Variants in GDPD3 observed in about 807,000 individuals in gnomAD.
GDPD3 encodes the protein glycerophosphodiester phosphodiesterase domain containing 3, also known as lysophospholipase D GDPD3.
In GDPD3, 40 loss-of-function variants were observed where a neutral mutation model predicts 43.7. That is an observed-to-expected ratio of 0.91 (90% confidence interval 0.71 to 1.19). GDPD3 has a LOEUF of 1.19. GDPD3 is among the 50% of genes most tolerant of loss of function. The pLI is 0.00. For missense variants in GDPD3, 363 were observed against 415.8 expected, an observed-to-expected ratio of 0.87 and a Z score of 1.11; for synonymous variants, 145 against 162.9, an observed-to-expected ratio of 0.89 and a Z score of 0.84.
At position 30,113,286 on chromosome 16, in the gene GDPD3, C is replaced by A; in HGVS notation, c.139+54G>T. On this transcript the variant is annotated intron_variant, in intron 1 of 9. Transcript: ENST00000406256. This position sits in a 1 kb window ranked among gnomAD's most constrained non-coding sequence, Gnocchi z 5.9. ...CCGTTTCTAGCATGCCCCCTTGGAC[C>A]TACCCCTCTGTGCTGTCCACTTTGG... is the stretch of plus-strand genomic sequence containing the variant. 1 of 1,546,678 alleles carries A rather than the reference C, an allele frequency of 6.5e-7. No individual in the cohort carries two copies. Among genetic ancestry groups the A allele is most frequent in the Non-Finnish European group, 8.7e-7 (1 of 1,144,126 alleles).
chr16:30,107,007 C>A (rs944635357), intron 9 of GDPD3, among the ~76,000 whole-genome samples: 17 of 152,286 alleles, frequency 1.1e-4, no homozygotes, highest in African/African-American at 3.8e-4. Context: ...CTGCACCCTG[C>A]CTCTGCATTT....
chr16:30,105,950 A>G (rs2072857745), intron 9 of GDPD3, among the ~76,000 whole-genome samples: 1 of 151,560 alleles, frequency 6.6e-6, no homozygotes, highest in Non-Finnish European at 1.5e-5. Flanking sequence ...ATCTCTACTA[A>G]AAACAGAAAA....
Position 30,112,338 on chromosome 16 carries a change from T to C in GDPD3, c.451A>G (p.Ile151Val). 1 of 1,614,166 alleles carries C rather than the reference T, an allele frequency of 6.2e-7. No homozygotes were observed. The highest frequency in any genetic ancestry group is 8.5e-7 in the Non-Finnish European group (1 of 1,180,026). The change falls in exon 5 of 10, where the codon ATC (isoleucine) becomes GTC (valine). Residue 151 changes from isoleucine (I) to valine (V), a missense_variant. Physicochemically the swap from Ile to Val is conservative, Grantham distance 29. Coordinates refer to ENST00000406256, the MANE Select transcript of GDPD3 (RefSeq NM_024307.3). This position sits in a 1 kb window ranked among gnomAD's most constrained non-coding sequence, Gnocchi z 5.4. The part of the protein sequence containing the change: ...RFPRTPMSVE[I>V]KGKNEELIRE... ...ATGAGCTCTTCGTTCTTCCCTTTGA[T>C]CTCTACGCTCATGGGTGTCCTTGGA...
At chr16:30,105,713 C>T (rs2072855268) in intron 9 of GDPD3, among the ~76,000 whole-genome samples, 1 of 149,822 alleles carries the variant, frequency 6.7e-6, no homozygotes, top group African/African-American at 2.4e-5. Flanking sequence ...CCATGTTAGC[C>T]AGGATGGTCT....
At position 30,113,196 on chromosome 16, in the gene GDPD3, A is replaced by G; in HGVS notation, c.140-132T>C. On this transcript the variant is annotated intron_variant, in intron 1 of 9. Coordinates refer to ENST00000406256, the MANE Select transcript of GDPD3 (RefSeq NM_024307.3). This position sits in a 1 kb window ranked among gnomAD's most constrained non-coding sequence, Gnocchi z 5.9. ...CTCCCCAGCCAGCCCAGGCTGCGCC[A>G]GCATCTTCTTCCTCGTCCACACCCT... The G allele has an allele frequency of 7.4e-7, 1 of 1,358,092 alleles. No individual in the cohort carries two copies. The allele number at this position is 1,358,092 out of a possible 1,614,324, so 84.1% of individuals were successfully genotyped here. A position where few individuals can be genotyped will look rare whatever the true frequency, so the allele number is the denominator to read the frequency against.
rs1163380181 is a variant in GDPD3 at position 30,108,262 on chromosome 16, A to G, written c.770T>C (p.Leu257Pro). The G allele has an allele frequency of 1.9e-6, 3 of 1,611,682 alleles. No homozygotes were observed. The South Asian group carries it at 3.3e-5, about 18-fold the overall frequency. Residue 257 changes from leucine to proline, a missense_variant and splice_region_variant, in exon 9 of 10, where the codon CTG (leucine) becomes CCG (proline). By Grantham distance (98) the Leu-to-Pro change is moderately conservative (BLOSUM62 -3). Transcript: ENST00000406256. ...NQLLAVVSKWLIMRKSLIRHL... is the reference protein window; with the variant it reads ...NQLLAVVSKWPIMRKSLIRHL... ...TCGGATCAGACTCTTCCTCATGATC[A>G]GCCTGGGGGTGGGGTGGGGACGTGG...
At chr16:30,111,548 ATCTG>A (rs773531493) in intron 6 of GDPD3, 27 bp from the exon 7 acceptor site, 8 of 1,612,484 alleles carry the variant, frequency 5.0e-6, no homozygotes, top group African/African-American at 1.3e-5. Context: ...AGGCATGAGA[ATCTG>A]TCTGCTCTGG....
At chr16:30,110,303 C>T (rs941610254) in intron 7 of GDPD3, among the ~76,000 whole-genome samples, 10 of 151,282 alleles carry the variant, frequency 6.6e-5, no homozygotes, top group Non-Finnish European at 8.8e-5. Flanking sequence ...TGGTGGCGGG[C>T]GCCTGTAGTC....
chr16:30,106,854 A>G (rs1039017290), intron 9 of GDPD3, among the ~76,000 whole-genome samples: 4 of 152,006 alleles, frequency 2.6e-5, no homozygotes, highest in African/African-American at 9.7e-5. Flanking sequence ...GATTACAGGC[A>G]TGCGCCACCA....
At position 30,111,469 on chromosome 16, in the gene GDPD3, A is replaced by G; in HGVS notation, c.626T>C (p.Leu209Pro). 1.2e-6 allele frequency: 2 copies of G among 1,614,054 alleles called. No homozygotes were observed. Among genetic ancestry groups the G allele is most frequent in the African/African-American group, 2.7e-5 (2 of 74,996 alleles). Residue 209 changes from leucine (L) to proline (P), a missense_variant, in exon 7 of 10, where the codon CTT becomes CCT. Transcript: ENST00000406256. ...FTISRGFWVL[L>P]SYYLGLLPFI... is the part of the protein sequence containing the mutation. ...GGGCAGCAGCCCCAGGTAGTAGGAA[A>G]GCAGCACCCAGAATCCTCGGCTTAT...
At chr16:30,108,988 C>T (rs1015241519) in intron 7 of GDPD3, among the ~76,000 whole-genome samples, 35 of 151,428 alleles carry the variant, frequency 2.3e-4, no homozygotes, top group Middle Eastern at 3.4e-3. Flanking sequence ...CCCGCCACCA[C>T]GCCTGCTAAT....
Position 30,108,289 on chromosome 16 carries a change from A to T in GDPD3, c.768-25T>A, listed in dbSNP as rs369610999. 29 of 1,612,254 alleles carry T rather than the reference A, an allele frequency of 1.8e-5. No homozygotes were observed. The African/African-American group carries it at 3.5e-4, about 19-fold the overall frequency. On this transcript the variant is annotated intron_variant, in intron 8 of 9. Transcript: ENST00000406256. ...CCTGGGGGTGGGGTGGGGACGTGGG[A>T]GGTGATGATGAGAGGGGACCTGGGA... is the stretch of plus-strand genomic sequence containing the variant.
At chr16:30,110,866 A>C (rs2072893792) in intron 7 of GDPD3, 1 of 151,744 alleles carries the variant, frequency 6.6e-6, no homozygotes, top group Non-Finnish European at 1.5e-5. Context: ...GTCTCAAAAA[A>C]AAAAAAAAAA....
intron 9 of GDPD3, among the ~76,000 whole-genome samples, chr16:30,106,365 T>G (rs1490608401): frequency 6.6e-6 from 1 of 152,114 alleles, no homozygotes; most frequent in Admixed American, 6.6e-5. Flanking sequence ...AAATTAATCC[T>G]CAAATCAGGG....
Position 30,104,875 on chromosome 16 carries a change from G to A in GDPD3, c.954C>T (p.Ser318=). Residue 318 remains serine, a synonymous_variant, in exon 10 of 10, where the codon TCC becomes TCT. Coordinates refer to ENST00000406256, the MANE Select transcript of GDPD3 (RefSeq NM_024307.3). ...GGAGACCTCGAGGCTTCTGGACTTA[G>A]GAGGTCCGGGCAGCTGGTCCATGGT... ...LDNHGPAART[S] is the part of the protein sequence containing the mutation. 2 of 1,612,432 alleles carry A rather than the reference G, an allele frequency of 1.2e-6. No individual in the cohort carries two copies.
At position 30,113,214 on chromosome 16, in the gene GDPD3, C is replaced by G; in HGVS notation, c.139+126G>C. The G allele has an allele frequency of 1.4e-6, 2 of 1,408,134 alleles. No individual in the cohort carries two copies. Among genetic ancestry groups the G allele is most frequent in the South Asian group, 2.7e-5 (2 of 74,568 alleles). The allele number at this position is 1,408,134 out of a possible 1,614,324, so 87.2% of individuals were successfully genotyped here. ...CTGCGCCAGCATCTTCTTCCTCGTCCACACCCTGCCCTGCCACTTCGCTCT... is the reference window on the plus strand; with the variant it reads ...CTGCGCCAGCATCTTCTTCCTCGTCGACACCCTGCCCTGCCACTTCGCTCT... On this transcript the variant is annotated intron_variant, in intron 1 of 9. Transcript: ENST00000406256. This position sits in a 1 kb window ranked among gnomAD's most constrained non-coding sequence, Gnocchi z 5.9.
chr16:30,111,995 T>C (rs1371466065), intron 6 of GDPD3, 137 bp downstream of exon 6: 5 of 661,648 alleles, frequency 7.6e-6, no homozygotes, highest in Non-Finnish European at 1.3e-5. Context: ...TTCACACCCT[T>C]TTCATTGCCA....
chr16:30,108,317 AG>A, intron 8 of GDPD3, 53 bp from the exon 9 acceptor site: 1 of 1,612,696 alleles, frequency 6.2e-7, no homozygotes, highest in Non-Finnish European at 8.5e-7. Flanking sequence ...ACCTGGGAGA[AG>A]GGCAGCAGTA....
chr16:30,108,836 A>T (rs1035948212), intron 7 of GDPD3, among the ~76,000 whole-genome samples: 2 of 146,106 alleles, frequency 1.4e-5, no homozygotes, highest in Non-Finnish European at 3.0e-5. Flanking sequence ...ATTTAAATTA[A>T]TTTTTTTTTT....
Sources: allele counts gnomAD v4.1 joint callset (sites outside exome capture counted in the v4.1 genomes callset), GRCh38; gene constraint gnomAD v4.1.1; non-coding constraint Gnocchi (gnomAD v3.1); transcripts MANE v1.5; gene names NCBI Gene and HGNC (gene_info 2026-07-23, HGNC 2026-07-21).